Variants in CEP112 observed in about 807,000 individuals in gnomAD.
CEP112 encodes the protein centrosomal protein of 112 kDa.
Under a neutral mutation model 153.0 loss-of-function variants are expected in CEP112, and 127 were observed. The observed-to-expected ratio is 0.83, with a 90% CI of 0.72 to 0.96. CEP112 has a LOEUF of 0.96. Ranked by LOEUF, CEP112 falls within the 40% of genes least tolerant of loss-of-function variation. CEP112 has a pLI of 0.00. For missense variants in CEP112, 1,089 were observed against 1,101.2 expected, an observed-to-expected ratio of 0.99 and a Z score of 0.16; for synonymous variants, 358 against 374.4, an observed-to-expected ratio of 0.96 and a Z score of 0.51.
chr17:65,638,270 A>G (rs966100361), intron 25 of CEP112, among the ~76,000 whole-genome samples: 8 of 152,248 alleles, frequency 5.3e-5, no homozygotes, highest in African/African-American at 1.7e-4. Flanking sequence ...AGATGCCTGT[A>G]TCAGGCGTGG....
At chr17:65,645,309 T>A (rs1363398578) in intron 24 of CEP112, among the ~76,000 whole-genome samples, 1 of 152,154 alleles carries the variant, frequency 6.6e-6, no homozygotes, top group African/African-American at 2.4e-5. Flanking sequence ...ACTCAACCAA[T>A]CTTCCTGCCT....
intron 6 of CEP112, among the ~76,000 whole-genome samples, chr17:66,103,062 A>T (rs1853354915): frequency 6.6e-6 from 1 of 151,716 alleles, no homozygotes; most frequent in Admixed American, 6.6e-5. Flanking sequence ...TGTTTCTCCT[A>T]AAAATACAAA....
chr17:65,763,754 G>A (rs754495230), intron 21 of CEP112, among the ~76,000 whole-genome samples: 76 of 152,006 alleles, frequency 5.0e-4, no homozygotes, highest in Non-Finnish European at 9.7e-4. Flanking sequence ...CACATTAATC[G>A]TAGCTGTTTT....
In CEP112 at chr17:65,659,837, G is replaced by A. The variant is rs578019137; in HGVS notation, c.2698-18772C>T. Among the ~76,000 whole-genome samples the A allele has an allele frequency of 6.6e-5, 10 of 152,322 alleles. No homozygotes were observed. The South Asian group carries it at 8.3e-4, about 13-fold the overall frequency. On this transcript the variant is annotated intron_variant, in intron 24 of 26. Transcript: ENST00000535342. ...GCCAGGAAGGGAACAGGAGACATCA[G>A]TAACTCCTATGTGGGATAATGGAGG...
At chr17:66,005,109 T>C (rs1379976461) in intron 17 of CEP112, among the ~76,000 whole-genome samples, 1 of 152,180 alleles carries the variant, frequency 6.6e-6, no homozygotes, top group East Asian at 1.9e-4. Flanking sequence ...TTTTAAGTTA[T>C]CTAAATGAAT....
intron 4 of CEP112, among the ~76,000 whole-genome samples, chr17:66,161,925 T>C (rs1290830277): frequency 6.6e-6 from 1 of 152,046 alleles, no homozygotes; most frequent in Non-Finnish European, 1.5e-5. Flanking sequence ...TATAATTTTC[T>C]TAAAAATCAG....
chr17:66,176,657 A>C, intron 3 of CEP112, 173 bp downstream of exon 3: 1 of 453,522 alleles, frequency 2.2e-6, no homozygotes, highest in East Asian at 3.4e-5. Flanking sequence ...CTTATAAGCA[A>C]TACATGTATT....
chr17:65,656,408 A>T (rs773662151), intron 24 of CEP112, among the ~76,000 whole-genome samples: 1 of 152,232 alleles, frequency 6.6e-6, no homozygotes, highest in Non-Finnish European at 1.5e-5. Context: ...TGTCACTTGC[A>T]ACCCAAACGG....
chr17:65,789,353 C>G (rs2054465382), intron 21 of CEP112, among the ~76,000 whole-genome samples: 2 of 152,122 alleles, frequency 1.3e-5, no homozygotes, highest in South Asian at 2.1e-4. Flanking sequence ...TTTTTGCTGT[C>G]TGATATAGAT....
Position 66,107,426 on chromosome 17 carries a change from GACAA to G in CEP112, c.643-10798_643-10795del, listed in dbSNP as rs557320027. On this transcript the variant is annotated intron_variant, in intron 6 of 26. Transcript: ENST00000535342. ...ACTACAACAAAAAACTATAAGAACT[GACAA>G]ACAAATTCAGTAAAGTTGCAGAACA... Among the ~76,000 whole-genome samples the G allele has an allele frequency of 2.3e-3, 355 of 151,988 alleles. 4 individuals carry two copies. Among genetic ancestry groups the G allele is most frequent in the African/African-American group, 8.1e-3 (335 of 41,486 alleles).
chr17:66,126,473 A>C (rs1337115498), intron 6 of CEP112, among the ~76,000 whole-genome samples: 1 of 152,202 alleles, frequency 6.6e-6, no homozygotes, highest in Non-Finnish European at 1.5e-5. Context: ...TGAACTTACA[A>C]ATAGCGAATA....
At chr17:65,853,346 G>T (rs538061218) in intron 20 of CEP112, among the ~76,000 whole-genome samples, 1 of 152,006 alleles carries the variant, frequency 6.6e-6, no homozygotes, top group East Asian at 1.9e-4. Flanking sequence ...TGTCTCTGTG[G>T]TGCTGTATTT....
intron 26 of CEP112, 75 bp downstream of exon 26, chr17:65,637,049 A>T: frequency 9.0e-7 from 1 of 1,108,612 alleles, no homozygotes; most frequent in Non-Finnish European, 1.4e-6. Flanking sequence ...ATAAAGACAA[A>T]GGCCAGACAA....
intron 23 of CEP112, among the ~76,000 whole-genome samples, chr17:65,739,243 TC>T (rs1285825636): frequency 1.6e-4 from 24 of 152,308 alleles, no homozygotes; most frequent in African/African-American, 5.8e-4. Context: ...ACCCAGCTGA[TC>T]CCTGCCCAAA....
chr17:65,927,630 C>T lies in CEP112; in HGVS notation c.1932G>A (p.Lys644=). ...TGTCCTCCAGTTGCCATAAAAACTCCTTTGATTGTTTCTCACGAAGAGATT... is the reference window on the plus strand; with the variant it reads ...TGTCCTCCAGTTGCCATAAAAACTCTTTTGATTGTTTCTCACGAAGAGATT... The part of the protein sequence containing the change: ...RSKSLREKQS[K]EFLWQLEDIR... Residue 644 remains lysine, a synonymous_variant, in exon 19 of 27, where the codon AAG becomes AAA. Transcript: ENST00000535342. 2 of 1,602,096 alleles carry T rather than the reference C, an allele frequency of 1.2e-6. No individual in the cohort carries two copies. The highest frequency in any genetic ancestry group is 1.7e-6 in the Non-Finnish European group (2 of 1,176,540).
At chr17:65,977,347 G>A (rs1040296097) in intron 17 of CEP112, among the ~76,000 whole-genome samples, 1 of 152,102 alleles carries the variant, frequency 6.6e-6, no homozygotes, top group Non-Finnish European at 1.5e-5. Flanking sequence ...AGTCAGTCTC[G>A]CAGTTTTCCA....
chr17:65,868,174 T>C (rs1478710270), intron 20 of CEP112, among the ~76,000 whole-genome samples: 2 of 152,084 alleles, frequency 1.3e-5, no homozygotes, highest in African/African-American at 4.8e-5. Flanking sequence ...TCCACCAAAA[T>C]AAAATATCTC....
At chr17:66,004,078 A>G (rs560260229) in intron 17 of CEP112, among the ~76,000 whole-genome samples, 40 of 152,302 alleles carry the variant, frequency 2.6e-4, no homozygotes, top group Admixed American at 1.6e-3. Context: ...GAGAAAAAAT[A>G]TGGTAAATTT....
chr17:65,927,263 A>G (rs1190967914), intron 19 of CEP112, among the ~76,000 whole-genome samples: 2 of 152,168 alleles, frequency 1.3e-5, no homozygotes, highest in Non-Finnish European at 2.9e-5. Context: ...CCAGAAACAG[A>G]GGCCACTATG....
Sources: allele counts gnomAD v4.1 joint callset (sites outside exome capture counted in the v4.1 genomes callset), GRCh38; gene constraint gnomAD v4.1.1; transcripts MANE v1.5; gene names NCBI Gene and HGNC (gene_info 2026-07-23, HGNC 2026-07-21).